CERS6: variants seen among roughly 807,000 people sequenced by gnomAD.
CERS6 encodes ceramide synthase 6.
CERS6 carries 26 observed loss-of-function variants against 56.8 expected under a neutral mutation model. That is an observed-to-expected ratio of 0.46 (90% CI 0.34 to 0.63). The LOEUF is 0.63. Ranked by LOEUF, CERS6 falls within the 30% of genes least tolerant of loss-of-function variation. CERS6 has a pLI of 0.01. For synonymous variants in CERS6, 164 were observed against 173.3 expected (o/e 0.95, Z 0.42); for missense variants, 415 against 467.5 (o/e 0.89, Z 1.04).
At chr2:168,485,187 G>C (rs1694254233) in intron 1 of CERS6, among the ~76,000 whole-genome samples, 1 of 149,744 alleles carries the variant, frequency 6.7e-6, no homozygotes, top group South Asian at 2.1e-4. Flanking sequence ...TTTTTAAGAA[G>C]AGTTAATAGA....
chr2:168,580,294 T>G (rs1178323250), intron 3 of CERS6, among the ~76,000 whole-genome samples: 1 of 152,218 alleles, frequency 6.6e-6, no homozygotes, highest in Non-Finnish European at 1.5e-5. Flanking sequence ...TATTTTATGT[T>G]CTTTCTCTCC....
chr2:168,737,507 G>T (rs1683753466), intron 8 of CERS6, among the ~76,000 whole-genome samples: 1 of 151,932 alleles, frequency 6.6e-6, no homozygotes, highest in Non-Finnish European at 1.5e-5. Context: ...TAAAATGAAG[G>T]GCTGCAGTGT....
At chr2:168,511,999 A>C (rs145472896) in intron 1 of CERS6, among the ~76,000 whole-genome samples, 59 of 152,270 alleles carry the variant, frequency 3.9e-4, no homozygotes, top group Non-Finnish European at 6.6e-4. Flanking sequence ...ATTCAACCTT[A>C]AAAAGGAAGG....
intron 8 of CERS6, among the ~76,000 whole-genome samples, chr2:168,730,945 A>T (rs755573152): frequency 3.9e-5 from 6 of 152,170 alleles, no homozygotes; most frequent in Admixed American, 1.3e-4. Context: ...AAAATTGTTC[A>T]AAAAGGCCAT....
intron 1 of CERS6, among the ~76,000 whole-genome samples, chr2:168,492,075 A>T (rs148594493): frequency 6.6e-6 from 1 of 152,302 alleles, no homozygotes; most frequent in East Asian, 1.9e-4. Flanking sequence ...TGCCGCAGTA[A>T]ACATACGTGT....
intron 3 of CERS6, among the ~76,000 whole-genome samples, chr2:168,575,612 T>C (rs183792006): frequency 5.3e-5 from 8 of 152,178 alleles, no homozygotes; most frequent in African/African-American, 1.9e-4. Flanking sequence ...AAGCACATAA[T>C]AAATGTTAGC....
intron 6 of CERS6, among the ~76,000 whole-genome samples, chr2:168,708,006 A>G (rs139055949): frequency 6.6e-6 from 1 of 152,184 alleles, no homozygotes; most frequent in Non-Finnish European, 1.5e-5. Context: ...TGCACACATT[A>G]GTTTTAATAT....
chr2:168,700,870 T>C (rs1400199008), intron 6 of CERS6, among the ~76,000 whole-genome samples: 2 of 152,184 alleles, frequency 1.3e-5, no homozygotes, highest in African/African-American at 4.8e-5. Context: ...AGCCTTTCCT[T>C]GTAGTCATTA....
chr2:168,712,665 A>G (rs944730940), intron 6 of CERS6, among the ~76,000 whole-genome samples: 1 of 152,186 alleles, frequency 6.6e-6, no homozygotes, highest in South Asian at 2.1e-4. Flanking sequence ...GAAGCTACTA[A>G]TTTTTACAAT....
intron 4 of CERS6, among the ~76,000 whole-genome samples, chr2:168,663,261 C>T (rs1267902507): frequency 6.6e-6 from 1 of 151,920 alleles, no homozygotes; most frequent in Non-Finnish European, 1.5e-5. Context: ...ATTATTAGTT[C>T]AGTTGATGAT....
chr2:168,767,924 A>G (rs1256426587), intron 9 of CERS6, among the ~76,000 whole-genome samples: 1 of 152,214 alleles, frequency 6.6e-6, no homozygotes, highest in Non-Finnish European at 1.5e-5. Flanking sequence ...CTTTTGTCAC[A>G]CCACTGAAAA....
intron 5 of CERS6, among the ~76,000 whole-genome samples, chr2:168,692,581 AAAC>A (rs1559054561): frequency 6.6e-6 from 1 of 152,138 alleles, no homozygotes; most frequent in Non-Finnish European, 1.5e-5. Context: ...TAAAAAGAGG[AAAC>A]ACCACGTGTA....
At chr2:168,743,535 T>C (rs1235104141) in intron 8 of CERS6, among the ~76,000 whole-genome samples, 1 of 102,506 alleles carries the variant, frequency 9.8e-6, no homozygotes, top group East Asian at 2.4e-4. Flanking sequence ...CTTGGGAAGC[T>C]GAGGCGAGAC....
chr2:168,467,083 C>T (rs1013010638), intron 1 of CERS6, among the ~76,000 whole-genome samples: 8 of 152,168 alleles, frequency 5.3e-5, no homozygotes, highest in Non-Finnish European at 1.2e-4. Flanking sequence ...TTTGTCACTT[C>T]CTCCTTTCTT....
chr2:168,584,108 C>T (rs967461609), intron 3 of CERS6, among the ~76,000 whole-genome samples: 4 of 152,170 alleles, frequency 2.6e-5, no homozygotes, highest in African/African-American at 9.7e-5. Flanking sequence ...GTGTGACTGG[C>T]CCTAATGCCT....
chr2:168,740,876 G>T (rs540331019), intron 8 of CERS6, among the ~76,000 whole-genome samples: 1 of 152,264 alleles, frequency 6.6e-6, no homozygotes, highest in African/African-American at 2.4e-5. Flanking sequence ...AGTAGGAGTT[G>T]GTCATTATTT....
chr2:168,648,209 C>G (rs1265225926), intron 4 of CERS6, among the ~76,000 whole-genome samples: 2 of 151,944 alleles, frequency 1.3e-5, no homozygotes, highest in African/African-American at 4.8e-5. Flanking sequence ...CGTTACTGGT[C>G]TGTTCAGGAA....
rs1452453975 is a variant in CERS6, at chr2:168,631,005, T to A, written c.428T>A (p.Leu143His). The change falls in exon 4 of 10, where the codon CTT becomes CAT. Residue 143 changes from leucine to histidine, a missense_variant. By Grantham distance (99) the Leu-to-His change is moderately conservative. Transcript: ENST00000305747. The stretch of plus-strand genomic sequence containing the variant: ...TACAGGTGGAGATTTTCATTTTACC[T>A]TTATGTATTTACCTACGGAGTCAGA... ...CESMWRFSFY[L>H]YVFTYGVRFL... 2 of 1,533,568 alleles carry A rather than the reference T, an allele frequency of 1.3e-6. No individual in the cohort carries two copies. Among genetic ancestry groups the A allele is most frequent in the Admixed American group, 1.8e-5 (1 of 54,880 alleles). 95.0% of individuals were successfully genotyped at this position (1,533,568 alleles called of 1,614,324 possible). A position where few individuals can be genotyped will look rare whatever the true frequency, so the allele number is the denominator to read the frequency against.
intron 4 of CERS6, among the ~76,000 whole-genome samples, chr2:168,647,054 T>C (rs1403178743): frequency 3.9e-5 from 6 of 152,244 alleles, no homozygotes; most frequent in Non-Finnish European, 8.8e-5. Context: ...AATAGCTTTT[T>C]CTAGTTCTGT....
Sources: allele counts gnomAD v4.1 joint callset (sites outside exome capture counted in the v4.1 genomes callset), GRCh38; gene constraint gnomAD v4.1.1; transcripts MANE v1.5; gene names NCBI Gene and HGNC (gene_info 2026-07-23, HGNC 2026-07-21).